Variants in OR51B5 observed in about 807,000 individuals in gnomAD.
The protein encoded by OR51B5 is olfactory receptor family 51 subfamily B member 5, also known as olfactory receptor 51B5.
For synonymous variants in OR51B5, 186 were observed against 144.8 expected, an observed-to-expected ratio of 1.28 and a Z score of -2.04; for missense variants, 456 against 374.6, an observed-to-expected ratio of 1.22 and a Z score of -1.79.
chr11:5,410,185 TA>T (rs1222155065), intron 1 of OR51B5, among the ~76,000 whole-genome samples: 2 of 152,040 alleles, frequency 1.3e-5, no homozygotes, highest in East Asian at 3.9e-4. Flanking sequence ...GGAGTGAAAT[TA>T]AAAGCATCGG....
chr11:5,347,031 G>A (rs576512058), upstream of OR51B5: 1 of 152,092 alleles, frequency 6.6e-6, no homozygotes, highest in Admixed American at 6.6e-5. Context: ...TCCTTAGAGG[G>A]AGCTGGAACA....
At chr11:5,488,681 A>C (rs1237527233) in intron 1 of OR51B5, 3 of 1,488,068 alleles carry the variant, frequency 2.0e-6, no homozygotes, top group Non-Finnish European at 2.8e-6. Context: ...TACTATTCAG[A>C]AAGAGCCCTT....
At chr11:5,356,083 A>G (rs1174357774) in intron 1 of OR51B5, among the ~76,000 whole-genome samples, 1 of 152,166 alleles carries the variant, frequency 6.6e-6, no homozygotes, top group Non-Finnish European at 1.5e-5. Context: ...CCTCCTCCAA[A>G]GGAATGCAGC....
intron 1 of OR51B5, among the ~76,000 whole-genome samples, chr11:5,457,954 G>A (rs544945690): frequency 1.3e-5 from 2 of 152,074 alleles, no homozygotes; most frequent in South Asian, 4.2e-4. Flanking sequence ...CTGTGCCAAA[G>A]GTCTTTAGTT....
intron 1 of OR51B5, chr11:5,393,386 A>AAC (rs1554887136): frequency 6.6e-6 from 1 of 151,920 alleles, no homozygotes; most frequent in East Asian, 1.9e-4. Context: ...TATTAAATAA[A>AAC]AATAAGCAAA....
intron 1 of OR51B5, among the ~76,000 whole-genome samples, chr11:5,353,796 C>T (rs1010888087): frequency 1.3e-5 from 2 of 152,218 alleles, no homozygotes; most frequent in Non-Finnish European, 2.9e-5. Context: ...TCTATGGCTG[C>T]CCACCTACTC....
downstream of OR51B5, chr11:5,341,138 C>T (rs924550398): frequency 1.3e-5 from 2 of 152,066 alleles, no homozygotes; most frequent in African/African-American, 4.8e-5. Context: ...ATGAGCAATA[C>T]CTGAGATAGG....
intron 1 of OR51B5, among the ~76,000 whole-genome samples, chr11:5,444,001 A>G (rs1312975848): frequency 3.9e-5 from 6 of 152,108 alleles, no homozygotes; most frequent in Admixed American, 1.3e-4. Flanking sequence ...CCCTACTCAC[A>G]CAAAATACTA....
intron 1 of OR51B5, among the ~76,000 whole-genome samples, chr11:5,376,833 A>G (rs1287534237): frequency 1.3e-5 from 2 of 149,194 alleles, no homozygotes; most frequent in Non-Finnish European, 3.0e-5. Context: ...TTACCAACCA[A>G]AAAGAGTCCA....
intron 1 of OR51B5, among the ~76,000 whole-genome samples, chr11:5,373,892 T>C (rs7113977): frequency 0.38 from 57,745 of 150,820 alleles, 11,268 homozygotes; most frequent in Non-Finnish European, 0.41. Context: ...GGCTCCACCT[T>C]TGGGGGCAGG....
At chr11:5,448,860 G>C (rs1348855478) in intron 1 of OR51B5, among the ~76,000 whole-genome samples, 2 of 152,198 alleles carry the variant, frequency 1.3e-5, no homozygotes. Context: ...AAACCTTCTA[G>C]TTATTCACCA....
chr11:5,427,970 A>G (rs890938222), intron 1 of OR51B5, among the ~76,000 whole-genome samples: 2 of 152,134 alleles, frequency 1.3e-5, no homozygotes, highest in Non-Finnish European at 2.9e-5. Context: ...GTTAGAGGAA[A>G]AAGGTACTGA....
rs188788661 is a variant in OR51B5, at chr11:5,504,787, G to A, written n.84+782C>T. Among the ~76,000 whole-genome samples, 83 of 152,298 alleles carry A rather than the reference G, an allele frequency of 5.4e-4. 1 individual carries two copies. In the East Asian group the frequency reaches 0.015, roughly 28 times the overall value. On this transcript the variant is annotated intron_variant and non_coding_transcript_variant, in intron 1 of 4. Transcript: ENST00000415970. ...GTACCAGGCCCTACCTTAGCTGCTA[G>A]GTAGAAGACAGTGACCCTCCCTGCC...
intron 1 of OR51B5, among the ~76,000 whole-genome samples, chr11:5,483,498 AAAGTAT>A (rs1213524896): frequency 1.1e-4 from 14 of 131,298 alleles, no homozygotes; most frequent in Admixed American, 9.3e-4. Context: ...CCTAAAACTT[AAAGTAT>A]AATTAAAAAA....
intron 1 of OR51B5, among the ~76,000 whole-genome samples, chr11:5,405,601 T>A (rs1380258173): frequency 4.6e-5 from 7 of 152,196 alleles, no homozygotes; most frequent in African/African-American, 1.2e-4. Flanking sequence ...GAAAAAACTT[T>A]TAAATTGGCC....
At chr11:5,493,070 T>C (rs1851602137) in intron 1 of OR51B5, among the ~76,000 whole-genome samples, 1 of 152,234 alleles carries the variant, frequency 6.6e-6, no homozygotes, top group African/African-American at 2.4e-5. Context: ...TATGGCTGAA[T>C]GGAAAAGACA....
At chr11:5,496,176 G>A (rs2133817974) in intron 1 of OR51B5, among the ~76,000 whole-genome samples, 1 of 152,076 alleles carries the variant, frequency 6.6e-6, no homozygotes, top group South Asian at 2.1e-4. Flanking sequence ...GGAGGTACCT[G>A]CCCATGGGTT....
intron 1 of OR51B5, among the ~76,000 whole-genome samples, chr11:5,416,584 G>C (rs1014315385): frequency 6.6e-5 from 10 of 151,140 alleles, no homozygotes; most frequent in Non-Finnish European, 1.2e-4. Flanking sequence ...CAAAATCTCA[G>C]GATAGAAAAT....
chr11:5,476,087 C>T (rs750483997), intron 1 of OR51B5, among the ~76,000 whole-genome samples: 19 of 152,136 alleles, frequency 1.2e-4, no homozygotes, highest in African/African-American at 3.4e-4. Flanking sequence ...CAAGTCCATG[C>T]GCAGTAGAGA....
Sources: gnomAD v4.1 joint callset for allele counts (sites outside exome capture counted in the v4.1 genomes callset) on GRCh38, gnomAD v4.1.1 for gene constraint, MANE v1.5 for transcripts, NCBI Gene and HGNC (gene_info 2026-07-23, HGNC 2026-07-21) for gene names.